Variants in IGSF11 observed in about 807,000 individuals in gnomAD.
IGSF11 encodes immunoglobulin superfamily member 11.
IGSF11 carries 22 observed loss-of-function variants against 41.0 expected under a neutral mutation model. The ratio of observed to expected loss-of-function variants is 0.54; its 90% CI spans 0.38 to 0.77. The LOEUF (loss-of-function observed/expected upper bound fraction) is 0.77. Ranked by LOEUF, IGSF11 falls within the 30% of genes least tolerant of loss-of-function variation. The pLI, the probability that IGSF11 is intolerant of heterozygous loss-of-function variation, is 0.00. For missense variants in IGSF11, 444 were observed against 530.8 expected (o/e 0.84, Z 1.61); for synonymous variants, 219 against 201.3 (o/e 1.09, Z -0.74).
intron 1 of IGSF11, among the ~76,000 whole-genome samples, chr3:119,114,110 C>T (rs1381208606): frequency 6.6e-6 from 1 of 152,240 alleles, no homozygotes; most frequent in African/African-American, 2.4e-5. Flanking sequence ...AAACCTAAGC[C>T]TCCAGGCCTG....
At chr3:119,056,649 G>A (rs1407895386) in intron 1 of IGSF11, among the ~76,000 whole-genome samples, 1 of 152,162 alleles carries the variant, frequency 6.6e-6, no homozygotes, top group Non-Finnish European at 1.5e-5. Flanking sequence ...TGATACCAAA[G>A]CCTGGCAGAG....
chr3:118,923,600 G>C (rs1210633304), intron 4 of IGSF11, among the ~76,000 whole-genome samples: 1 of 152,074 alleles, frequency 6.6e-6, no homozygotes, highest in Non-Finnish European at 1.5e-5. Context: ...CTTATGCCCA[G>C]TGTTCCATTA....
At chr3:118,922,902 T>C (rs966111485) in intron 4 of IGSF11, among the ~76,000 whole-genome samples, 4 of 152,090 alleles carry the variant, frequency 2.6e-5, no homozygotes, top group African/African-American at 9.7e-5. Flanking sequence ...TGCTTGCTGT[T>C]CTCAAGAATA....
At chr3:119,051,105 C>T (rs962480135) in intron 1 of IGSF11, among the ~76,000 whole-genome samples, 10 of 151,042 alleles carry the variant, frequency 6.6e-5, no homozygotes, top group South Asian at 2.1e-4. Context: ...ATGTAACTAA[C>T]GTGCACAATG....
intron 1 of IGSF11, among the ~76,000 whole-genome samples, chr3:119,117,034 ATG>A (rs1232521673): frequency 6.6e-6 from 1 of 152,142 alleles, no homozygotes; most frequent in African/African-American, 2.4e-5. Context: ...TGGGCTTTGA[ATG>A]AGATTATTTG....
chr3:118,931,265 C>T (rs989112410), intron 1 of IGSF11, among the ~76,000 whole-genome samples: 2 of 152,116 alleles, frequency 1.3e-5, no homozygotes, highest in Non-Finnish European at 2.9e-5. Flanking sequence ...CCTAAATCAT[C>T]GTAACATACA....
chr3:119,026,123 T>C (rs1174604095), intron 1 of IGSF11, among the ~76,000 whole-genome samples: 1 of 152,210 alleles, frequency 6.6e-6, no homozygotes, highest in East Asian at 1.9e-4. Context: ...ACAAAAATTC[T>C]TCTTAAAAAT....
intron 4 of IGSF11, among the ~76,000 whole-genome samples, chr3:118,919,079 C>T (rs1391075055): frequency 1.0e-4 from 14 of 138,230 alleles, no homozygotes; most frequent in African/African-American, 3.9e-4. Flanking sequence ...AAACTGGATC[C>T]CTTCCTTACA....
chr3:118,902,295 C>G lies in IGSF11; in HGVS notation c.*225G>C. Reference sequence around the variant, plus strand: ...GGCTTGGCACATCTTTGAGATCCAGCAGAATCCCAGGACATCTTTGGTGGG... The same window carrying G: ...GGCTTGGCACATCTTTGAGATCCAGGAGAATCCCAGGACATCTTTGGTGGG... On this transcript the variant is annotated 3_prime_UTR_variant, in exon 7 of 7. Transcript: ENST00000393775. The G allele has an allele frequency of 2.0e-6, 1 of 491,370 alleles. No homozygotes were observed. The highest frequency in any genetic ancestry group is 3.6e-6 in the Non-Finnish European group (1 of 276,336). The allele number at this position is 491,370 out of a possible 1,614,324, so 30.4% of individuals were successfully genotyped here.
At chr3:119,010,064 G>GA (rs1261122754) in intron 1 of IGSF11, among the ~76,000 whole-genome samples, 15 of 152,190 alleles carry the variant, frequency 9.9e-5, no homozygotes, top group Non-Finnish European at 1.5e-4. Flanking sequence ...AAAGACAGAT[G>GA]AAAAAAGTAG....
At chr3:118,987,522 C>G (rs1454526354) in intron 1 of IGSF11, among the ~76,000 whole-genome samples, 1 of 152,144 alleles carries the variant, frequency 6.6e-6, no homozygotes, top group Admixed American at 6.5e-5. Flanking sequence ...CTGGCCTAGT[C>G]AGTGGAGGTA....
chr3:118,973,835 T>C (rs1428850547), intron 1 of IGSF11, among the ~76,000 whole-genome samples: 1 of 151,954 alleles, frequency 6.6e-6, no homozygotes, highest in African/African-American at 2.4e-5. Context: ...CACAGGCTAG[T>C]TGAAAATAGG....
chr3:118,914,053 A>G (rs919959938), intron 4 of IGSF11, among the ~76,000 whole-genome samples: 1 of 152,168 alleles, frequency 6.6e-6, no homozygotes, highest in African/African-American at 2.4e-5. Flanking sequence ...GATAGAGAGT[A>G]GAGTTTTTTT....
chr3:119,003,653 T>C (rs1375859480), intron 1 of IGSF11, among the ~76,000 whole-genome samples: 2 of 151,926 alleles, frequency 1.3e-5, no homozygotes, highest in African/African-American at 4.9e-5. Flanking sequence ...ACTTAATTTA[T>C]TGAGAGTTTT....
chr3:119,112,253 C>T (rs62273473), intron 1 of IGSF11, among the ~76,000 whole-genome samples: 10 of 152,240 alleles, frequency 6.6e-5, no homozygotes, highest in Admixed American at 2.0e-4. Context: ...CCACCCAGCT[C>T]GAGCTTCCCG....
At chr3:119,140,045 G>A (rs907609975) in intron 1 of IGSF11, among the ~76,000 whole-genome samples, 1 of 151,876 alleles carries the variant, frequency 6.6e-6, no homozygotes, top group African/African-American at 2.4e-5. Flanking sequence ...AATTTAAAAG[G>A]TACACTAGGA....
At position 119,034,832 on chromosome 3, in the gene IGSF11, C is replaced by T. The variant is rs966044218; in HGVS notation, c.-250G>A. The T allele has an allele frequency of 5.6e-6, 7 of 1,246,444 alleles. No homozygotes were observed. The highest frequency in any genetic ancestry group is 7.0e-6 in the Non-Finnish European group (7 of 994,672). The allele number at this position is 1,246,444 out of a possible 1,614,324, so 77.2% of individuals were successfully genotyped here. A position where few individuals can be genotyped will look rare whatever the true frequency, so the allele number is the denominator to read the frequency against. ...CGGGCTCGCCAGCCGTGCCACCCAG[C>T]CCTGCCCCAGGACTAGCCGACCCCT... is the stretch of plus-strand genomic sequence containing the variant. On this transcript the variant is annotated 5_prime_UTR_variant, in exon 1 of 7. Coordinates refer to ENST00000393775, the MANE Select transcript of IGSF11 (RefSeq NM_001015887.3).
At chr3:119,073,684 C>T (rs138039514) in intron 1 of IGSF11, among the ~76,000 whole-genome samples, 35 of 152,326 alleles carry the variant, frequency 2.3e-4, no homozygotes, top group African/African-American at 6.5e-4. Flanking sequence ...GAGCACCGGC[C>T]GGCTGCTCCA....
rs1289010335 is a variant in IGSF11, at chr3:119,120,413, C to T, written c.-13-15208G>A. Among the ~76,000 whole-genome samples, 5 of 152,270 alleles carry T rather than the reference C, an allele frequency of 3.3e-5. No individual in the cohort carries two copies. In the East Asian group the frequency reaches 7.7e-4, roughly 24 times the overall value. On this transcript the variant is annotated intron_variant, in intron 1 of 7. Transcript: ENST00000425327. ...GCTGAGAAAGAATTCAGAACATGGA[C>T]ACACATGAGGAGTGGATTTAGGAGT...
Sources: allele counts gnomAD v4.1 joint callset (sites outside exome capture counted in the v4.1 genomes callset), GRCh38; gene constraint gnomAD v4.1.1; transcripts MANE v1.5; gene names NCBI Gene and HGNC (gene_info 2026-07-23, HGNC 2026-07-21).